The following ZZZ3 variants were observed in gnomAD, a reference collection of about 807,000 sequenced individuals.
ZZZ3 encodes zinc finger ZZ-type containing 3.
A neutral mutation model predicts 95.2 loss-of-function variants in ZZZ3; 22 were observed. The ratio of observed to expected loss-of-function variants is 0.23; its 90% CI spans 0.17 to 0.33. The LOEUF (loss-of-function observed/expected upper bound fraction) is 0.33, where lower values mean the gene tolerates loss of function less well. Ranked by LOEUF, ZZZ3 falls within the 10% of genes least tolerant of loss-of-function variation. ZZZ3 has a pLI of 1.00. For synonymous variants in ZZZ3, 335 were observed against 358.9 expected (o/e 0.93, Z 0.75); for missense variants, 885 against 1,066.5 (o/e 0.83, Z 2.37).
intron 5 of ZZZ3, among the ~76,000 whole-genome samples, chr1:77,586,954 TC>T (rs975343794): frequency 6.6e-6 from 1 of 152,198 alleles, no homozygotes. Flanking sequence ...CAGAAGCTGA[TC>T]CAGGCATAAA....
At chr1:77,575,933 G>A in intron 12 of ZZZ3, 135 bp downstream of exon 12, 1 of 650,348 alleles carries the variant, frequency 1.5e-6, no homozygotes, top group Non-Finnish European at 2.4e-6. Context: ...CCTCACAAAA[G>A]TACATTACTT....
At chr1:77,670,271 T>TGG (rs1193048963) in intron 1 of ZZZ3, among the ~76,000 whole-genome samples, 4 of 151,088 alleles carry the variant, frequency 2.6e-5, no homozygotes, top group African/African-American at 9.7e-5. Flanking sequence ...TTTTTTTTTT[T>TGG]TGGGGGGGGG....
In ZZZ3 at chr1:77,563,760, T is replaced by G. The variant is rs913665663; in HGVS notation, c.*1880A>C. ...ACATTTAATATAAAAACGCCCAGAA[T>G]GCTAATGATTCCCCTCTTCACCCAC... On this transcript the variant is annotated 3_prime_UTR_variant, in exon 15 of 15. Coordinates refer to ENST00000370801, the MANE Select transcript of ZZZ3 (RefSeq NM_015534.6). 2.0e-5 allele frequency: 3 copies of G among 152,202 alleles called. No individual in the cohort carries two copies. Among genetic ancestry groups the G allele is most frequent in the African/African-American group, 7.2e-5 (3 of 41,462 alleles). 9.4% of individuals were successfully genotyped at this position (152,202 alleles called of 1,614,324 possible).
At chr1:77,599,991 T>C (rs1664578515) in intron 5 of ZZZ3, among the ~76,000 whole-genome samples, 1 of 152,118 alleles carries the variant, frequency 6.6e-6, no homozygotes, top group Non-Finnish European at 1.5e-5. Flanking sequence ...TCATCAACAA[T>C]CCTGAAAATA....
At position 77,588,590 on chromosome 1, in the gene ZZZ3, T is replaced by C. The variant is rs117304398; in HGVS notation, c.1506-3935A>G. Reference sequence around the variant, plus strand: ...ATGGTAGGATAGCACCCAATCACCATAGATGTTCAGACAGATATTTAAAAG... The same window carrying C: ...ATGGTAGGATAGCACCCAATCACCACAGATGTTCAGACAGATATTTAAAAG... On this transcript the variant is annotated intron_variant, in intron 5 of 14. Coordinates refer to ENST00000370801, the MANE Select transcript of ZZZ3 (RefSeq NM_015534.6). Among the ~76,000 whole-genome samples the C allele has an allele frequency of 1.6e-3, 243 of 152,230 alleles. 4 individuals are homozygous for C. The East Asian group carries it at 0.037, about 23-fold the overall frequency.
chr1:77,593,319 G>A (rs1254961245), intron 5 of ZZZ3, among the ~76,000 whole-genome samples: 1 of 152,132 alleles, frequency 6.6e-6, no homozygotes, highest in African/African-American at 2.4e-5. Flanking sequence ...GTTCATAGCA[G>A]CCTTATTAAT....
intron 5 of ZZZ3, among the ~76,000 whole-genome samples, chr1:77,587,441 T>A (rs547814292): frequency 6.6e-6 from 1 of 151,942 alleles, no homozygotes; most frequent in East Asian, 1.9e-4. Context: ...ATTTTTTGTA[T>A]TTTTAGTAGA....
At chr1:77,603,185 C>G (rs1288984653) in intron 5 of ZZZ3, among the ~76,000 whole-genome samples, 1 of 151,860 alleles carries the variant, frequency 6.6e-6, no homozygotes, top group Admixed American at 6.5e-5. Context: ...CTGAATCAAT[C>G]CTCCCACCTC....
intron 4 of ZZZ3, among the ~76,000 whole-genome samples, chr1:77,633,805 G>A (rs973173860): frequency 6.6e-6 from 1 of 152,166 alleles, no homozygotes; most frequent in African/African-American, 2.4e-5. Context: ...GCCTCACTGT[G>A]TATCTGCCTC....
chr1:77,573,695 A>G (rs543625828), intron 12 of ZZZ3, among the ~76,000 whole-genome samples: 1 of 152,224 alleles, frequency 6.6e-6, no homozygotes, highest in Non-Finnish European at 1.5e-5. Context: ...GGAAATTTTA[A>G]AATTTTTATG....
At position 77,579,572 on chromosome 1, in the gene ZZZ3, G is replaced by C. The variant is rs193168928; in HGVS notation, c.2037C>G (p.Arg679=). ...KYPPEEVESR[R]WQKIADELGN... is the part of the protein sequence containing the mutation. ...CCAATTCATCTGCTATCTTCTGCCA[G>C]CGTCGAGATTCTACTTCTTCAGGAG... The change falls in exon 10 of 15, where the codon CGC becomes CGG. Residue 679 remains arginine, a synonymous_variant. Transcript: ENST00000370801. The C allele has an allele frequency of 5.0e-6, 8 of 1,587,796 alleles. No individual in the cohort carries two copies. The African/African-American group carries it at 1.1e-4, about 22-fold the overall frequency.
At chr1:77,617,526 T>A (rs1208595997) in intron 5 of ZZZ3, among the ~76,000 whole-genome samples, 1 of 152,232 alleles carries the variant, frequency 6.6e-6, no homozygotes, top group African/African-American at 2.4e-5. Context: ...ATTCATCAGC[T>A]GATGGACACT....
chr1:77,649,642 G>A (rs1669619693), intron 1 of ZZZ3, among the ~76,000 whole-genome samples: 2 of 152,074 alleles, frequency 1.3e-5, no homozygotes, highest in Admixed American at 6.6e-5. Context: ...CAACACTTTG[G>A]GAGGCCAAGG....
chr1:77,667,408 C>T (rs1177916163), intron 1 of ZZZ3, among the ~76,000 whole-genome samples: 1 of 152,100 alleles, frequency 6.6e-6, no homozygotes, highest in Non-Finnish European at 1.5e-5. Context: ...GTATGAAAAC[C>T]CTTCTCCTAC....
chr1:77,591,804 G>GA lies in ZZZ3; in HGVS notation c.1506-7150dup, dbSNP rs930106541. 3.9e-5 allele frequency among the ~76,000 whole-genome samples: 6 copies of GA among 151,944 alleles called. No homozygotes were observed. In the South Asian group the frequency reaches 6.2e-4, roughly 16 times the overall value. ...AAACCCTGAATTTAAAATGAGCAAA[G>GA]AAAAAAACAGGTACTTGTTTATTTC... is the stretch of plus-strand genomic sequence containing the variant. On this transcript the variant is annotated intron_variant, in intron 5 of 14. Coordinates refer to ENST00000370801, the MANE Select transcript of ZZZ3 (RefSeq NM_015534.6).
intron 12 of ZZZ3, among the ~76,000 whole-genome samples, chr1:77,569,685 G>T (rs1661182551): frequency 6.6e-6 from 1 of 152,072 alleles, no homozygotes; most frequent in Non-Finnish European, 1.5e-5. Context: ...CTTGGACCTT[G>T]CCTTCAACTA....
At chr1:77,603,307 G>A (rs896318323) in intron 5 of ZZZ3, among the ~76,000 whole-genome samples, 1 of 152,046 alleles carries the variant, frequency 6.6e-6, no homozygotes. Flanking sequence ...TTAAACTCCC[G>A]GGCTCAAGTG....
chr1:77,566,803 G>C (rs1660873795), intron 13 of ZZZ3, among the ~76,000 whole-genome samples: 1 of 152,208 alleles, frequency 6.6e-6, no homozygotes, highest in South Asian at 2.1e-4. Context: ...CTTTCTCAGC[G>C]TGGTGGCATT....
chr1:77,602,707 G>C (rs910034474), intron 5 of ZZZ3, among the ~76,000 whole-genome samples: 10 of 149,442 alleles, frequency 6.7e-5, no homozygotes, highest in African/African-American at 2.5e-4. Flanking sequence ...CTGGGTTCAG[G>C]CAATTCTCCT....
Sources: allele counts gnomAD v4.1 joint callset (sites outside exome capture counted in the v4.1 genomes callset), GRCh38; gene constraint gnomAD v4.1.1; transcripts MANE v1.5; gene names NCBI Gene and HGNC (gene_info 2026-07-23, HGNC 2026-07-21).